The following KLF12 variants were observed in gnomAD, a reference collection of about 807,000 sequenced individuals.
The protein encoded by KLF12 is KLF transcription factor 12, also known as Krueppel-like factor 12.
In KLF12, 9 loss-of-function variants were observed where a neutral mutation model predicts 37.8. The ratio of observed to expected loss-of-function variants is 0.24; its 90% CI spans 0.14 to 0.42. The LOEUF (loss-of-function observed/expected upper bound fraction) is 0.42, where lower values mean the gene tolerates loss of function less well. Ranked by LOEUF, KLF12 falls within the 10% of genes least tolerant of loss-of-function variation. The pLI, the probability that KLF12 is intolerant of heterozygous loss-of-function variation, is 1.00. For synonymous variants in KLF12, 208 were observed against 202.1 expected (o/e 1.03, Z -0.25); for missense variants, 411 against 516.0 (o/e 0.80, Z 1.97).
chr13:74,237,715 G>A, the KLF12 span, among the ~76,000 whole-genome samples: 3 of 152,092 alleles, frequency 2.0e-5, no homozygotes, highest in Admixed American at 6.5e-5. Flanking sequence ...TTGTGAATGG[G>A]AGTTCACTCA....
intron 2 of KLF12, among the ~76,000 whole-genome samples, chr13:73,973,022 T>A (rs1891391927): frequency 6.6e-6 from 1 of 152,046 alleles, no homozygotes; most frequent in Non-Finnish European, 1.5e-5. Context: ...ATAAGCAATT[T>A]GTAGTAAGTT....
intron 6 of KLF12, among the ~76,000 whole-genome samples, chr13:73,727,016 T>C (rs1334763690): frequency 1.3e-5 from 2 of 152,346 alleles, no homozygotes; most frequent in Non-Finnish European, 2.9e-5. Context: ...GTAGTTTTGA[T>C]GAGCATTTCC....
At chr13:73,904,554 G>A (rs569867159) in intron 3 of KLF12, among the ~76,000 whole-genome samples, 69 of 147,998 alleles carry the variant, frequency 4.7e-4, no homozygotes, top group African/African-American at 1.5e-3. Context: ...GTCCAAAAAG[G>A]CCAAGGAATG....
the KLF12 span, among the ~76,000 whole-genome samples, chr13:74,238,856 G>C: frequency 6.6e-6 from 1 of 151,738 alleles, no homozygotes; most frequent in African/African-American, 2.4e-5. Flanking sequence ...TCTTGCTAGC[G>C]GTCTGTCAAT....
chr13:74,137,609 G>A (rs1246573757), upstream of KLF12, among the ~76,000 whole-genome samples: 1 of 152,096 alleles, frequency 6.6e-6, no homozygotes, highest in Non-Finnish European at 1.5e-5. Context: ...TCAAACAACA[G>A]GAAAATTTAC....
At chr13:74,261,154 G>A in the KLF12 span, among the ~76,000 whole-genome samples, 2 of 152,098 alleles carry the variant, frequency 1.3e-5, no homozygotes, top group Non-Finnish European at 2.9e-5. Flanking sequence ...TTTAAAAAGA[G>A]ATCAATATGT....
At chr13:73,706,741 G>C (rs571235492) in intron 7 of KLF12, among the ~76,000 whole-genome samples, 5 of 152,124 alleles carry the variant, frequency 3.3e-5, no homozygotes, top group African/African-American at 1.2e-4. Flanking sequence ...TTCCTATTAC[G>C]TATTATTTTA....
chr13:73,759,572 G>A (rs948737483), intron 6 of KLF12, among the ~76,000 whole-genome samples: 3 of 152,114 alleles, frequency 2.0e-5, no homozygotes, highest in African/African-American at 7.2e-5. Context: ...AGCTTGTAAT[G>A]AATTAAACAT....
chr13:74,088,611 G>T (rs1430433227), intron 1 of KLF12, among the ~76,000 whole-genome samples: 1 of 152,170 alleles, frequency 6.6e-6, no homozygotes, highest in Non-Finnish European at 1.5e-5. Context: ...TCATCACATG[G>T]TACTCTGATG....
At chr13:73,829,547 G>A (rs1187019338) in intron 4 of KLF12, among the ~76,000 whole-genome samples, 1 of 152,064 alleles carries the variant, frequency 6.6e-6, no homozygotes, top group Non-Finnish European at 1.5e-5. Flanking sequence ...CTGTATATGT[G>A]CATTTACATT....
chr13:73,705,241 T>C (rs1251380536), intron 7 of KLF12, among the ~76,000 whole-genome samples: 1 of 152,186 alleles, frequency 6.6e-6, no homozygotes. Context: ...AGATTTTTAA[T>C]TGAATTATCA....
intron 3 of KLF12, among the ~76,000 whole-genome samples, chr13:73,915,689 ATTTTTTT>A (rs140697314): frequency 8.1e-5 from 8 of 99,148 alleles, no homozygotes; most frequent in African/African-American, 2.8e-4. Context: ...ATTTTTTTGT[ATTTTTTT>A]TTTTTTTTTT....
chr13:74,126,684 G>T (rs1057042648), intron 1 of KLF12, among the ~76,000 whole-genome samples: 2 of 152,082 alleles, frequency 1.3e-5, no homozygotes, highest in African/African-American at 4.8e-5. Context: ...GCCAAAAGTG[G>T]CAAAGTCACA....
chr13:74,245,049 G>A, the KLF12 span, among the ~76,000 whole-genome samples: 1 of 152,216 alleles, frequency 6.6e-6, no homozygotes, highest in Admixed American at 6.5e-5. Flanking sequence ...TTAGAGGCAT[G>A]AGAATAGAAG....
Position 73,824,169 on chromosome 13 carries a change from C to T in KLF12, c.671-10882G>A, listed in dbSNP as rs145760282. Among the ~76,000 whole-genome samples, 569 of 152,058 alleles carry T rather than the reference C, an allele frequency of 3.7e-3. 6 individuals carry two copies. The highest frequency in any genetic ancestry group is 0.031 in the Middle Eastern group (9 of 294). On this transcript the variant is annotated intron_variant, in intron 4 of 7. Transcript: ENST00000377669. ...ATCAAAGTTTTCTTTCTCATTTGAT[C>T]GGTTGATAAACACGTATACACAGAG...
At chr13:74,151,279 T>C in the KLF12 span, among the ~76,000 whole-genome samples, 1 of 152,144 alleles carries the variant, frequency 6.6e-6, no homozygotes, top group South Asian at 2.1e-4. Context: ...TATTTAAAAC[T>C]ATAATTACAA....
At chr13:73,798,779 G>T (rs1413927914) in intron 5 of KLF12, among the ~76,000 whole-genome samples, 6 of 152,160 alleles carry the variant, frequency 3.9e-5, no homozygotes. Flanking sequence ...TGGTGAGTTT[G>T]CAGAGAAAAG....
chr13:74,002,064 C>T (rs1203965728), intron 1 of KLF12, among the ~76,000 whole-genome samples: 1 of 152,144 alleles, frequency 6.6e-6, no homozygotes, highest in Non-Finnish European at 1.5e-5. Flanking sequence ...AGAAATGAGA[C>T]ACTTTATTTG....
At chr13:74,205,581 C>A in the KLF12 span, among the ~76,000 whole-genome samples, 1 of 152,148 alleles carries the variant, frequency 6.6e-6, no homozygotes, top group Non-Finnish European at 1.5e-5. Context: ...TGTATGGACA[C>A]GTAAAGCTTT....
Sources: gnomAD v4.1 joint callset for allele counts (sites outside exome capture counted in the v4.1 genomes callset) on GRCh38, gnomAD v4.1.1 for gene constraint, MANE v1.5 for transcripts, NCBI Gene and HGNC (gene_info 2026-07-23, HGNC 2026-07-21) for gene names.